Variants in CFD observed in about 807,000 individuals in gnomAD.
The protein encoded by CFD is complement factor D.
A neutral mutation model predicts 21.1 loss-of-function variants in CFD; 24 were observed. That is an observed-to-expected ratio of 1.14 (90% CI 0.82 to 1.60). The LOEUF is 1.60. Among genes scored for constraint, CFD ranks in the 40% most tolerant of loss-of-function variants. The pLI is 0.00. For synonymous variants in CFD, 242 were observed against 175.9 expected (o/e 1.38, Z -2.97); for missense variants, 535 against 383.3 (o/e 1.40, Z -3.31).
In CFD at chr19:861,013, C is replaced by T. The variant is rs1209297759; in HGVS notation, c.357+8C>T. On this transcript the variant is annotated splice_region_variant and intron_variant, in intron 3 of 4. Coordinates refer to ENST00000327726, the MANE Select transcript of CFD (RefSeq NM_001928.4). Reference sequence around the variant, plus strand: ...GACCTCCTGCTGCTACAGGTCGGCCCCGTGTAGCGCAGTCCCTCCTGCGGC... The same window carrying T: ...GACCTCCTGCTGCTACAGGTCGGCCTCGTGTAGCGCAGTCCCTCCTGCGGC... 3 of 1,597,256 alleles carry T rather than the reference C, an allele frequency of 1.9e-6. No individual in the cohort carries two copies. Among genetic ancestry groups the T allele is most frequent in the Non-Finnish European group, 2.5e-6 (3 of 1,179,122 alleles).
chr19:863,598 T>G lies in CFD; in HGVS notation c.*360T>G. ...GCCTGGGCAACAGAGTGAAACCTTG[T>G]CTCTCTCTACAAAAAAAAAAAAAAA... On this transcript the variant is annotated 3_prime_UTR_variant, in exon 5 of 5. Transcript: ENST00000327726. The G allele has an allele frequency of 4.8e-6, 1 of 206,690 alleles. No individual in the cohort carries two copies. The highest frequency in any genetic ancestry group is 9.6e-6 in the Non-Finnish European group (1 of 104,284). 12.8% of individuals were successfully genotyped at this position (206,690 alleles called of 1,614,324 possible).
rs376740192 is a variant in CFD at position 863,269 on chromosome 19, A to G, written c.*31A>G. The G allele has an allele frequency of 9.7e-6, 15 of 1,545,408 alleles. No individual in the cohort carries two copies. The African/African-American group carries it at 1.9e-4, about 20-fold the overall frequency. ...CGGGGCCTGAAGGTCAGGGTCACCCAAGCAACAAAGTCCCGAGCAATGAAG... is the reference window on the plus strand; with the variant it reads ...CGGGGCCTGAAGGTCAGGGTCACCCGAGCAACAAAGTCCCGAGCAATGAAG... On this transcript the variant is annotated 3_prime_UTR_variant, in exon 5 of 5. Coordinates refer to ENST00000327726, the MANE Select transcript of CFD (RefSeq NM_001928.4).
At position 860,438 on chromosome 19, in the gene CFD, C is replaced by CG. The variant is rs1555711277; in HGVS notation, c.56-179_56-178insG. Among the ~76,000 whole-genome samples, 458 of 150,760 alleles carry CG rather than the reference C, an allele frequency of 3.0e-3. 2 individuals carry two copies. Among genetic ancestry groups the CG allele is most frequent in the South Asian group, 0.012 (59 of 4,746 alleles). The stretch of plus-strand genomic sequence containing the variant: ...CTGACCTCATGATCTGCACCCCCCC[C>CG]TCCCCCCCCGCCCCCGCGCGGCTTC... On this transcript the variant is annotated intron_variant, in intron 1 of 4. Transcript: ENST00000327726.
rs1038114018 is a variant in CFD at position 861,824 on chromosome 19, C to A, written c.483C>A (p.Arg161=). The change falls in exon 4 of 5, where the codon CGC becomes CGA. Residue 161 remains arginine (R), a synonymous_variant. Coordinates refer to ENST00000327726, the MANE Select transcript of CFD (RefSeq NM_001928.4). ...GGGGCATAGTCAACCACGCGGGCCG[C>A]CGCCCGGACAGCCTGCAGCACGTGC... ...AGWGIVNHAG[R]RPDSLQHVLL... 2.5e-6 allele frequency: 4 copies of A among 1,601,986 alleles called. No homozygotes were observed. The highest frequency in any genetic ancestry group is 3.4e-6 in the Non-Finnish European group (4 of 1,179,030).
chr19:861,630 G>A lies in CFD; in HGVS notation c.358-69G>A, dbSNP rs765189660. 580 of 1,201,236 alleles carry A rather than the reference G, an allele frequency of 4.8e-4. 1 individual carries two copies. Among genetic ancestry groups the A allele is most frequent in the Non-Finnish European group, 5.9e-4 (552 of 937,160 alleles). The allele number at this position is 1,201,236 out of a possible 1,614,324, so 74.4% of individuals were successfully genotyped here. ...CCCACCTCCCCCGTCCCGTCTCCCC[G>A]AGCCTAGCGGCATTCTCCCCAGCCT... On this transcript the variant is annotated intron_variant, in intron 3 of 4. Coordinates refer to ENST00000327726, the MANE Select transcript of CFD (RefSeq NM_001928.4).
rs527409009 is a variant in CFD at position 860,834 on chromosome 19, C to A, written c.213-27C>A. ...TGCGGTGGGGGGAGTCGGCTGGCAC[C>A]GACCGCGGACTCCGTCCGGTCCCCA... is the stretch of plus-strand genomic sequence containing the variant. On this transcript the variant is annotated intron_variant, in intron 2 of 4. Coordinates refer to ENST00000327726, the MANE Select transcript of CFD (RefSeq NM_001928.4). 7 of 1,557,016 alleles carry A rather than the reference C, an allele frequency of 4.5e-6. No individual in the cohort carries two copies. The Admixed American group carries it at 1.1e-4, about 25-fold the overall frequency.
chr19:860,670 C>A lies in CFD; in HGVS notation c.109C>A (p.Arg37=), dbSNP rs1173115393. Residue 37 remains arginine, a synonymous_variant, in exon 2 of 5, where the codon CGG becomes AGG. Coordinates refer to ENST00000327726, the MANE Select transcript of CFD (RefSeq NM_001928.4). ...LGGREAEAHA[R]PYMASVQLNG... Reference sequence around the variant, plus strand: ...CGGCAGAGAGGCCGAGGCGCACGCGCGGCCCTACATGGCGTCGGTGCAGCT... The same window carrying A: ...CGGCAGAGAGGCCGAGGCGCACGCGAGGCCCTACATGGCGTCGGTGCAGCT... The A allele has an allele frequency of 1.3e-6, 2 of 1,512,556 alleles. No homozygotes were observed. The allele number at this position is 1,512,556 out of a possible 1,614,324, so 93.7% of individuals were successfully genotyped here.
At position 863,340 on chromosome 19, in the gene CFD, A is replaced by G; in HGVS notation, c.*102A>G. The G allele has an allele frequency of 7.2e-7, 1 of 1,379,956 alleles. No homozygotes were observed. Among genetic ancestry groups the G allele is most frequent in the Non-Finnish European group, 9.9e-7 (1 of 1,005,874 alleles). The allele number at this position is 1,379,956 out of a possible 1,614,324, so 85.5% of individuals were successfully genotyped here. A position where few individuals can be genotyped will look rare whatever the true frequency, so the allele number is the denominator to read the frequency against. On this transcript the variant is annotated 3_prime_UTR_variant, in exon 5 of 5. Coordinates refer to ENST00000327726, the MANE Select transcript of CFD (RefSeq NM_001928.4). ...TTGGTCTTTATTGAGCACCTACTAT[A>G]TGCAGAAGGGGAGGCCGAGGTGGGA...
Position 863,320 on chromosome 19 carries a change from CTTTA to C in CFD, c.*85_*88del. On this transcript the variant is annotated 3_prime_UTR_variant, in exon 5 of 5. Transcript: ENST00000327726. The stretch of plus-strand genomic sequence containing the variant: ...TCATCCACTCCTGCATCTGGTTGGT[CTTTA>C]TTGAGCACCTACTATATGCAGAAGG... 6 of 1,485,350 alleles carry C rather than the reference CTTTA, an allele frequency of 4.0e-6. No individual in the cohort carries two copies. The highest frequency in any genetic ancestry group is 5.4e-6 in the Non-Finnish European group (6 of 1,100,950). 92.0% of individuals were successfully genotyped at this position (1,485,350 alleles called of 1,614,324 possible).
Position 860,856 on chromosome 19 carries a change from C to T in CFD, c.213-5C>T. The T allele has an allele frequency of 1.3e-6, 2 of 1,567,918 alleles. No individual in the cohort carries two copies. On this transcript the variant is annotated splice_polypyrimidine_tract_variant and splice_region_variant and intron_variant, in intron 2 of 4. Transcript: ENST00000327726. ...CACCGACCGCGGACTCCGTCCGGTC[C>T]CCAGGGCCGACGGGAAGGTGCAGGT...
chr19:862,225 T>G (rs1164861473), intron 4 of CFD, among the ~76,000 whole-genome samples: 2 of 87,720 alleles, frequency 2.3e-5, no homozygotes, highest in Non-Finnish European at 2.3e-5. Context: ...TGAAGAAGGG[T>G]CAGGGCGGGC....
At chr19:860,381 T>C (rs1361676647) in intron 1 of CFD, among the ~76,000 whole-genome samples, 1 of 151,652 alleles carries the variant, frequency 6.6e-6, no homozygotes, top group Non-Finnish European at 1.5e-5. Flanking sequence ...GAGACGGGGT[T>C]TCACCATATT....
intron 4 of CFD, among the ~76,000 whole-genome samples, chr19:862,568 C>T (rs180915138): frequency 6.0e-5 from 9 of 150,324 alleles, no homozygotes; most frequent in Admixed American, 1.3e-4. Flanking sequence ...AGGGCTGGTG[C>T]GGAGCGGGAT....
rs897126130 is a variant in CFD, at chr19:861,974, G to C, written c.615+18G>C. The C allele has an allele frequency of 2.0e-5, 31 of 1,536,160 alleles. No individual in the cohort carries two copies. The African/African-American group carries it at 4.2e-4, about 21-fold the overall frequency. On this transcript the variant is annotated intron_variant, in intron 4 of 4. Transcript: ENST00000327726. ...GCTGCAAGGTGAGCCTTCAGGCCTGGGAGGAGACGCGGGGCCTGCAGGCCC... is the reference window on the plus strand; with the variant it reads ...GCTGCAAGGTGAGCCTTCAGGCCTGCGAGGAGACGCGGGGCCTGCAGGCCC...
chr19:859,830 C>T (rs558900028), intron 1 of CFD, 86 bp downstream of exon 1: 60 of 1,053,790 alleles, frequency 5.7e-5, no homozygotes, highest in Non-Finnish European at 7.9e-5. Flanking sequence ...CCTCCAGCCC[C>T]TCCAGGTGGG....
In CFD at chr19:860,920, C is replaced by G. The variant is rs1482510175; in HGVS notation, c.272C>G (p.Ser91Cys). The part of the protein sequence containing the change: ...GAHSLSQPEP[S>C]KRLYDVLRAV... ...CACTCCCTGTCGCAGCCGGAGCCCT[C>G]CAAGCGCCTGTACGACGTGCTCCGC... is the stretch of plus-strand genomic sequence containing the variant. The change falls in exon 3 of 5, where the codon TCC (serine) becomes TGC (cysteine). Residue 91 changes from serine (S) to cysteine (C), a missense_variant. Transcript: ENST00000327726. The G allele has an allele frequency of 1.3e-6, 2 of 1,599,154 alleles. No homozygotes were observed. Among genetic ancestry groups the G allele is most frequent in the African/African-American group, 1.3e-5 (1 of 74,714 alleles).
intron 4 of CFD, 33 bp from the exon 5 acceptor site, chr19:863,059 G>T: frequency 6.7e-7 from 1 of 1,488,690 alleles, no homozygotes; most frequent in Non-Finnish European, 8.9e-7. Context: ...GTGGGCGCGG[G>T]CCGCCCCTCA....
chr19:861,461 C>A (rs1599301330), intron 3 of CFD, among the ~76,000 whole-genome samples: 1 of 142,490 alleles, frequency 7.0e-6, no homozygotes, highest in African/African-American at 2.6e-5. Flanking sequence ...CCCCGCTCCC[C>A]CTGCATCCCC....
rs2035839564 is a variant in CFD, at chr19:863,387, T to C, written c.*149T>C. ...GGGAGGATCATTGGATCTCAGGAGT[T>C]CGAGATCAGCATGGGCCACGTAGCG... is the stretch of plus-strand genomic sequence containing the variant. On this transcript the variant is annotated 3_prime_UTR_variant, in exon 5 of 5. Coordinates refer to ENST00000327726, the MANE Select transcript of CFD (RefSeq NM_001928.4). The C allele has an allele frequency of 2.1e-6, 2 of 950,596 alleles. No individual in the cohort carries two copies. The highest frequency in any genetic ancestry group is 3.2e-5 in the African/African-American group (2 of 61,690). The allele number at this position is 950,596 out of a possible 1,614,324, so 58.9% of individuals were successfully genotyped here.
Sources: gnomAD v4.1 joint callset for allele counts (sites outside exome capture counted in the v4.1 genomes callset) on GRCh38, gnomAD v4.1.1 for gene constraint, MANE v1.5 for transcripts, NCBI Gene and HGNC (gene_info 2026-07-23, HGNC 2026-07-21) for gene names.